GUCY2C: variants seen among roughly 807,000 people sequenced by gnomAD.
GUCY2C encodes the protein guanylate cyclase 2C.
A neutral mutation model predicts 131.1 loss-of-function variants in GUCY2C; 118 were observed. The ratio of observed to expected loss-of-function variants is 0.90; its 90% CI spans 0.78 to 1.05. GUCY2C has a LOEUF of 1.05. GUCY2C is among the 50% of genes least tolerant of loss of function. GUCY2C has a pLI of 0.00. For synonymous variants in GUCY2C, 452 were observed against 457.8 expected (o/e 0.99, Z 0.16); for missense variants, 1,161 against 1,304.4 (o/e 0.89, Z 1.69).
intron 8 of GUCY2C, among the ~76,000 whole-genome samples, chr12:14,674,141 G>T (rs571298984): frequency 6.6e-6 from 1 of 152,308 alleles, no homozygotes; most frequent in Non-Finnish European, 1.5e-5. Flanking sequence ...CTAGGGGCTT[G>T]TAGGAAAGGG....
intron 6 of GUCY2C, among the ~76,000 whole-genome samples, chr12:14,678,594 A>G (rs1177304999): frequency 6.6e-6 from 1 of 152,198 alleles, no homozygotes; most frequent in East Asian, 1.9e-4. Context: ...ACGTGTAGCC[A>G]TCAAACAGGC....
intron 1 of GUCY2C, among the ~76,000 whole-genome samples, chr12:14,688,321 A>G (rs538899599): frequency 4.7e-4 from 71 of 152,186 alleles, no homozygotes; most frequent in Middle Eastern, 3.4e-3. Context: ...AAAATCATCC[A>G]TGTTGAGTTT....
At chr12:14,625,955 A>G in intron 20 of GUCY2C, 40 bp from the exon 21 acceptor site, 1 of 1,196,338 alleles carries the variant, frequency 8.4e-7, no homozygotes, top group Non-Finnish European at 1.2e-6. Flanking sequence ...ATATATTATT[A>G]AGAAAACATG....
At chr12:14,660,062 C>T (rs553276332) in intron 11 of GUCY2C, among the ~76,000 whole-genome samples, 5 of 152,282 alleles carry the variant, frequency 3.3e-5, no homozygotes, top group South Asian at 2.1e-4. Flanking sequence ...AGGAGCCAAG[C>T]GGTGTTGTCA....
intron 1 of GUCY2C, among the ~76,000 whole-genome samples, chr12:14,694,323 G>T (rs995012105): frequency 1.3e-4 from 20 of 152,284 alleles, no homozygotes; most frequent in African/African-American, 4.8e-4. Flanking sequence ...AGAGTGACCC[G>T]CAAACAGACA....
intron 20 of GUCY2C, 133 bp from the exon 21 acceptor site, chr12:14,626,048 ACT>A (rs1353175675): frequency 1.6e-6 from 1 of 627,160 alleles, no homozygotes; most frequent in Non-Finnish European, 2.7e-6. Context: ...TAACAAAAAA[ACT>A]CAACCTCATC....
At chr12:14,693,969 A>G (rs994945734) in intron 1 of GUCY2C, among the ~76,000 whole-genome samples, 1 of 152,270 alleles carries the variant, frequency 6.6e-6, no homozygotes, top group Admixed American at 6.5e-5. Context: ...AACAATAAGA[A>G]CAACTACATT....
At chr12:14,689,310 T>C (rs1005840127) in intron 1 of GUCY2C, among the ~76,000 whole-genome samples, 1 of 152,152 alleles carries the variant, frequency 6.6e-6, no homozygotes, top group Non-Finnish European at 1.5e-5. Flanking sequence ...GGAACTCCTA[T>C]TGACCAAGAT....
intron 19 of GUCY2C, among the ~76,000 whole-genome samples, chr12:14,636,122 A>G (rs1157630157): frequency 6.6e-6 from 1 of 152,216 alleles, no homozygotes; most frequent in East Asian, 1.9e-4. Context: ...GTACCCTCAT[A>G]CCAAAACCAG....
chr12:14,681,214 T>C, intron 5 of GUCY2C, 142 bp downstream of exon 5: 1 of 684,314 alleles, frequency 1.5e-6, no homozygotes, highest in Non-Finnish European at 2.5e-6. Flanking sequence ...TTGCATGCAA[T>C]TATAGATCTC....
At chr12:14,680,724 T>C (rs1412531002) in intron 5 of GUCY2C, among the ~76,000 whole-genome samples, 1 of 152,168 alleles carries the variant, frequency 6.6e-6, no homozygotes, top group East Asian at 1.9e-4. Flanking sequence ...GTTACATGAA[T>C]AAGTTCTTTA....
chr12:14,616,403 C>T (rs1394730008), intron 25 of GUCY2C, among the ~76,000 whole-genome samples: 2 of 152,100 alleles, frequency 1.3e-5, no homozygotes, highest in African/African-American at 2.4e-5. Flanking sequence ...CTGGATATGG[C>T]AGAGGAAATG....
intron 14 of GUCY2C, among the ~76,000 whole-genome samples, 169 bp downstream of exon 14, chr12:14,651,790 G>A (rs183368525): frequency 7.9e-5 from 12 of 152,150 alleles, no homozygotes; most frequent in East Asian, 5.8e-4. Context: ...TTTTTACACC[G>A]TCAACCTCAC....
chr12:14,661,122 T>C lies in GUCY2C; in HGVS notation c.1283-60A>G, dbSNP rs2137053755. 3.9e-6 allele frequency: 4 copies of C among 1,034,744 alleles called. 1 individual carries two copies. In the Middle Eastern group the frequency reaches 8.1e-4, roughly 210 times the overall value. The allele number at this position is 1,034,744 out of a possible 1,614,324, so 64.1% of individuals were successfully genotyped here. A position where few individuals can be genotyped will look rare whatever the true frequency, so the allele number is the denominator to read the frequency against. On this transcript the variant is annotated intron_variant, in intron 10 of 26. Transcript: ENST00000261170. Reference sequence around the variant, plus strand: ...CAAGAGAGCAAAAGCATTTCCAAGATTCTAGCTGTACAATGTAATTTGGGG... The same window carrying C: ...CAAGAGAGCAAAAGCATTTCCAAGACTCTAGCTGTACAATGTAATTTGGGG...
At position 14,676,469 on chromosome 12, in the gene GUCY2C, C is replaced by T. The variant is rs577428589; in HGVS notation, c.948+385G>A. Among the ~76,000 whole-genome samples, 16 of 152,288 alleles carry T rather than the reference C, an allele frequency of 1.1e-4. No individual in the cohort carries two copies. The South Asian group carries it at 2.5e-3, about 24-fold the overall frequency. ...GTGACAGGAAAATTTTGCTTTAGGA[C>T]ATAGGGAACTTTCCAGTAACCCTTG... On this transcript the variant is annotated intron_variant, in intron 7 of 26. Coordinates refer to ENST00000261170, the MANE Select transcript of GUCY2C (RefSeq NM_004963.4).
chr12:14,682,440 A>G (rs981358518), intron 4 of GUCY2C, among the ~76,000 whole-genome samples: 14 of 152,168 alleles, frequency 9.2e-5, no homozygotes, highest in Admixed American at 7.2e-4. Flanking sequence ...GCCTTCTGCC[A>G]TGATTGTAAG....
rs1947692198 is a variant in GUCY2C, at chr12:14,652,876, A to C, written c.1533+76T>G. ...CTCCCACCATTGTGATACTGACATC[A>C]GGGGCCAGGGCAATGAGGGGTCAAA... On this transcript the variant is annotated intron_variant, in intron 13 of 26. Transcript: ENST00000261170. The C allele has an allele frequency of 4.3e-6, 4 of 928,738 alleles. No individual in the cohort carries two copies. The Admixed American group carries it at 6.8e-5, about 16-fold the overall frequency. 57.5% of individuals were successfully genotyped at this position (928,738 alleles called of 1,614,324 possible).
In GUCY2C at chr12:14,616,745, CAAAT is replaced by C. The variant is rs1946772051; in HGVS notation, c.2876-22_2876-19del. On this transcript the variant is annotated intron_variant, in intron 24 of 26. Coordinates refer to ENST00000261170, the MANE Select transcript of GUCY2C (RefSeq NM_004963.4). ...TCTCAAAGCTGGAAATGCAAATTGA[CAAAT>C]AAAAATCCCAGCTAGTACACAGCCT... 6.1e-6 allele frequency: 9 copies of C among 1,480,358 alleles called. No individual in the cohort carries two copies. The highest frequency in any genetic ancestry group is 1.7e-5 in the Admixed American group (1 of 59,772). The allele number at this position is 1,480,358 out of a possible 1,614,324, so 91.7% of individuals were successfully genotyped here.
At chr12:14,673,703 TAAATGTTAAGCC>T (rs1392503994) in intron 8 of GUCY2C, among the ~76,000 whole-genome samples, 6 of 152,308 alleles carry the variant, frequency 3.9e-5, no homozygotes, top group African/African-American at 1.4e-4. Context: ...GTTTCCTAGT[TAAATGTTAAGCC>T]AAATGTTAAG....
Sources: gnomAD v4.1 joint callset for allele counts (sites outside exome capture counted in the v4.1 genomes callset) on GRCh38, gnomAD v4.1.1 for gene constraint, MANE v1.5 for transcripts, NCBI Gene and HGNC (gene_info 2026-07-23, HGNC 2026-07-21) for gene names.